PDE1C: variants seen among roughly 807,000 people sequenced by gnomAD.
PDE1C encodes dual specificity calcium/calmodulin-dependent 3',5'-cyclic nucleotide phosphodiesterase 1C.
Under a neutral mutation model 93.1 loss-of-function variants are expected in PDE1C, and 62 were observed. The ratio of observed to expected loss-of-function variants is 0.67; its 90% CI spans 0.54 to 0.82. The LOEUF (loss-of-function observed/expected upper bound fraction) is 0.82, where lower values mean the gene tolerates loss of function less well. Among genes scored for constraint, PDE1C ranks in the 40% least tolerant of loss-of-function variants. PDE1C has a pLI of 0.00. For missense variants in PDE1C, 742 were observed against 884.6 expected, an observed-to-expected ratio of 0.84 and a Z score of 2.04; for synonymous variants, 325 against 310.1, an observed-to-expected ratio of 1.05 and a Z score of -0.50.
chr7:32,282,485 A>AATAGATAGCTAG (rs376678996), intron 1 of PDE1C, among the ~76,000 whole-genome samples: 6 of 143,860 alleles, frequency 4.2e-5, no homozygotes, highest in Non-Finnish European at 7.5e-5. Flanking sequence ...TCAAAAAAAA[A>AATAGATAGCTAG]ATAGATAGAT....
intron 1 of PDE1C, among the ~76,000 whole-genome samples, chr7:32,354,732 G>A (rs1314578961): frequency 6.6e-6 from 1 of 152,066 alleles, no homozygotes; most frequent in Non-Finnish European, 1.5e-5. Flanking sequence ...CCACTCATGT[G>A]TAATTTGGTC....
the PDE1C span, among the ~76,000 whole-genome samples, chr7:31,636,279 T>C: frequency 6.6e-6 from 1 of 152,178 alleles, no homozygotes; most frequent in Non-Finnish European, 1.5e-5. Flanking sequence ...TGGTATAAAC[T>C]AGCCAGCACA....
chr7:31,926,376 G>C (rs966777470), intron 2 of PDE1C, among the ~76,000 whole-genome samples: 19 of 152,224 alleles, frequency 1.2e-4, no homozygotes, highest in African/African-American at 4.6e-4. Context: ...GCACAAAGCA[G>C]TCACTCAATA....
At chr7:31,961,097 T>C (rs1808872178) in intron 2 of PDE1C, among the ~76,000 whole-genome samples, 1 of 152,146 alleles carries the variant, frequency 6.6e-6, no homozygotes, top group Non-Finnish European at 1.5e-5. Context: ...GGAGAAGCAA[T>C]GAATTAATTA....
intron 16 of PDE1C, among the ~76,000 whole-genome samples, chr7:31,791,423 C>T (rs1163963114): frequency 6.6e-6 from 1 of 152,136 alleles, no homozygotes; most frequent in African/African-American, 2.4e-5. Flanking sequence ...GAAACAAAAG[C>T]TGAAATCAAG....
At chr7:32,174,265 A>C (rs893643091) in intron 2 of PDE1C, among the ~76,000 whole-genome samples, 5 of 152,110 alleles carry the variant, frequency 3.3e-5, no homozygotes, top group African/African-American at 9.7e-5. Context: ...TTCAGTAAAC[A>C]CATATTGAAT....
the PDE1C span, among the ~76,000 whole-genome samples, chr7:31,637,925 G>A: frequency 6.6e-6 from 1 of 152,136 alleles, no homozygotes; most frequent in East Asian, 1.9e-4. Flanking sequence ...AAGGTGTAAG[G>A]AAGGGATCCA....
At chr7:32,306,662 C>T (rs1306613808) in intron 1 of PDE1C, among the ~76,000 whole-genome samples, 2 of 152,202 alleles carry the variant, frequency 1.3e-5, no homozygotes, top group Non-Finnish European at 2.9e-5. Context: ...ACTTCAGTGA[C>T]TCCCTGTCGC....
intron 2 of PDE1C, among the ~76,000 whole-genome samples, chr7:32,005,165 C>A (rs1238097138): frequency 6.6e-6 from 1 of 152,124 alleles, no homozygotes; most frequent in Non-Finnish European, 1.5e-5. Context: ...TTGATCAAAA[C>A]CCCTGGCCAT....
At chr7:32,120,862 G>A (rs112255994) in intron 3 of PDE1C, among the ~76,000 whole-genome samples, 2 of 152,258 alleles carry the variant, frequency 1.3e-5, no homozygotes, top group African/African-American at 2.4e-5. Context: ...AGGGTTCAGA[G>A]CTGAACTGGG....
intron 3 of PDE1C, among the ~76,000 whole-genome samples, chr7:32,110,299 C>T (rs1300011831): frequency 4.6e-5 from 7 of 152,150 alleles, no homozygotes; most frequent in Non-Finnish European, 8.8e-5. Flanking sequence ...CAGGTATCTC[C>T]TCTAGGACAT....
intron 2 of PDE1C, among the ~76,000 whole-genome samples, chr7:31,976,523 G>C (rs1356354161): frequency 1.3e-5 from 2 of 152,094 alleles, no homozygotes; most frequent in South Asian, 2.1e-4. Context: ...TATTAAATAG[G>C]TGACATGAGT....
At chr7:32,278,788 G>A (rs1585068664) in intron 1 of PDE1C, among the ~76,000 whole-genome samples, 1 of 152,202 alleles carries the variant, frequency 6.6e-6, no homozygotes, top group African/African-American at 2.4e-5. Context: ...ACACACAGGA[G>A]CTTCCAGAAA....
chr7:31,631,684 G>A, the PDE1C span, among the ~76,000 whole-genome samples: 14 of 152,262 alleles, frequency 9.2e-5, no homozygotes, highest in African/African-American at 3.4e-4. Flanking sequence ...GGAAAGAAGG[G>A]AGGAAGAAAG....
chr7:31,874,615 C>T (rs183265438), intron 5 of PDE1C, among the ~76,000 whole-genome samples: 1 of 152,348 alleles, frequency 6.6e-6, no homozygotes, highest in Admixed American at 6.5e-5. Flanking sequence ...CTCCTGGATG[C>T]TAATAAACTG....
intron 1 of PDE1C, among the ~76,000 whole-genome samples, chr7:32,251,084 C>T (rs551768052): frequency 3.3e-5 from 5 of 152,350 alleles, no homozygotes; most frequent in South Asian, 4.1e-4. Flanking sequence ...AGCGCGCGTG[C>T]GCACACACAC....
At chr7:31,678,147 G>T in the PDE1C span, among the ~76,000 whole-genome samples, 1 of 152,038 alleles carries the variant, frequency 6.6e-6, no homozygotes, top group Non-Finnish European at 1.5e-5. Flanking sequence ...AGCTCATAAA[G>T]GGGTGACATC....
intron 1 of PDE1C, among the ~76,000 whole-genome samples, chr7:32,416,097 G>T (rs1009788573): frequency 5.9e-5 from 9 of 152,332 alleles, no homozygotes; most frequent in African/African-American, 2.2e-4. Flanking sequence ...GACTTGACAT[G>T]CCTGCCACTA....
intron 1 of PDE1C, among the ~76,000 whole-genome samples, chr7:32,225,208 G>A (rs1807169265): frequency 6.6e-6 from 1 of 152,126 alleles, no homozygotes; most frequent in Admixed American, 6.5e-5. Flanking sequence ...ATGACGTTAA[G>A]GGGTGGTGAG....
Sources: allele counts gnomAD v4.1 joint callset (sites outside exome capture counted in the v4.1 genomes callset), GRCh38; gene constraint gnomAD v4.1.1; transcripts MANE v1.5; gene names NCBI Gene and HGNC (gene_info 2026-07-23, HGNC 2026-07-21).